The following SNAP23 variants were observed in gnomAD, a reference collection of about 807,000 sequenced individuals.
The protein encoded by SNAP23 is synaptosomal-associated protein 23.
Under a neutral mutation model 29.0 loss-of-function variants are expected in SNAP23, and 11 were observed. That is an observed-to-expected ratio of 0.38 (90% CI 0.24 to 0.63). The LOEUF (loss-of-function observed/expected upper bound fraction) is 0.63. Ranked by LOEUF, SNAP23 falls within the 20% of genes least tolerant of loss-of-function variation. The probability of loss-of-function intolerance (pLI) is 0.58; values close to 1 mark genes in which losing one functional copy is unlikely to be tolerated. For synonymous variants in SNAP23, 60 were observed against 82.9 expected, an observed-to-expected ratio of 0.72 and a Z score of 1.50; for missense variants, 220 against 253.9, an observed-to-expected ratio of 0.87 and a Z score of 0.91.
upstream of SNAP23, among the ~76,000 whole-genome samples, chr15:42,494,565 G>T (rs2057200313): frequency 6.6e-6 from 1 of 150,376 alleles, no homozygotes; most frequent in Non-Finnish European, 1.5e-5. Context: ...GCCCAGCCTG[G>T]AGTGCAATGG....
intron 1 of SNAP23, among the ~76,000 whole-genome samples, chr15:42,498,447 GCAA>G (rs1253751922): frequency 6.6e-6 from 1 of 152,186 alleles, no homozygotes; most frequent in Non-Finnish European, 1.5e-5. Context: ...ACCCTCTGAA[GCAA>G]CAGCCCAAGC....
At chr15:42,524,988 C>T (rs186739211) in intron 5 of SNAP23, among the ~76,000 whole-genome samples, 1 of 152,196 alleles carries the variant, frequency 6.6e-6, no homozygotes. Context: ...ACACGCAGAA[C>T]ATACTATAAC....
Position 42,529,709 on chromosome 15 carries a change from G to T in SNAP23, c.460G>T (p.Glu154Ter). The T allele has an allele frequency of 6.2e-7, 1 of 1,614,092 alleles. No homozygotes were observed. The highest frequency in any genetic ancestry group is 2.2e-5 in the East Asian group (1 of 44,872). Residue 154 changes from glutamate to a stop codon, truncating the protein, a stop_gained, in exon 7 of 8, where the codon GAG (glutamate) becomes TAG (stop). Transcript: ENST00000249647. LOFTEE classifies it high-confidence loss of function. ...TNDAREDEMEENLTQVGSILG... is the reference protein window; with the variant it reads ...TNDAREDEME Reference sequence around the variant, plus strand: ...TGATGCCAGAGAAGATGAAATGGAAGAGAACCTGACTCAAGTGGGCAGTAT... The same window carrying T: ...TGATGCCAGAGAAGATGAAATGGAATAGAACCTGACTCAAGTGGGCAGTAT...
chr15:42,515,395 G>T, intron 5 of SNAP23, 41 bp downstream of exon 5: 1 of 1,244,164 alleles, frequency 8.0e-7, no homozygotes. Context: ...TAAGTAATGA[G>T]AGTACCCCAC....
At chr15:42,500,668 G>T (rs929196817) in intron 1 of SNAP23, among the ~76,000 whole-genome samples, 1 of 152,080 alleles carries the variant, frequency 6.6e-6, no homozygotes, top group African/African-American at 2.4e-5. Context: ...GGGATTACAG[G>T]CATGAGCCAC....
Position 42,527,984 on chromosome 15 carries a change from A to G in SNAP23, c.267-278A>G, listed in dbSNP as rs529807243. On this transcript the variant is annotated intron_variant, in intron 5 of 7. Transcript: ENST00000249647. The stretch of plus-strand genomic sequence containing the variant: ...AGGCTAAGGGAACCTGAAAAATCAA[A>G]TAGTTGCCTTTTGCTACTTGCTAAC... The G allele has an allele frequency of 9.5e-4, 311 of 329,050 alleles. 1 individual carries two copies. The highest frequency in any genetic ancestry group is 1.5e-3 in the Non-Finnish European group (271 of 177,802). 20.4% of individuals were successfully genotyped at this position (329,050 alleles called of 1,614,324 possible).
At chr15:42,529,148 G>A (rs2141559790) in intron 6 of SNAP23, among the ~76,000 whole-genome samples, 1 of 152,266 alleles carries the variant, frequency 6.6e-6, no homozygotes, top group South Asian at 2.1e-4. Flanking sequence ...GGTTAAAGCA[G>A]GCATAAACAA....
At chr15:42,513,624 G>T (rs868414732) in intron 4 of SNAP23, among the ~76,000 whole-genome samples, 177 bp downstream of exon 4, 4 of 152,160 alleles carry the variant, frequency 2.6e-5, no homozygotes, top group South Asian at 4.1e-4. Context: ...GTCTATTTGG[G>T]ATGGCAGGCA....
chr15:42,515,666 C>G (rs1406247138), intron 5 of SNAP23, among the ~76,000 whole-genome samples: 1 of 152,020 alleles, frequency 6.6e-6, no homozygotes, highest in Non-Finnish European at 1.5e-5. Context: ...CTTTTCCTTT[C>G]AAAGGAGGAG....
upstream of SNAP23, among the ~76,000 whole-genome samples, chr15:42,491,901 T>G (rs113229355): frequency 0.032 from 4,680 of 146,944 alleles, 246 homozygotes; most frequent in African/African-American, 0.11. Context: ...TATTTATTTA[T>G]TTAGTTAGTT....
At chr15:42,517,714 G>C (rs1182054273) in intron 5 of SNAP23, among the ~76,000 whole-genome samples, 1 of 152,112 alleles carries the variant, frequency 6.6e-6, no homozygotes, top group Non-Finnish European at 1.5e-5. Flanking sequence ...ATCAAGAGAA[G>C]GCATTACTTT....
At chr15:42,516,391 G>A (rs1206574372) in intron 5 of SNAP23, among the ~76,000 whole-genome samples, 4 of 152,064 alleles carry the variant, frequency 2.6e-5, no homozygotes, top group Non-Finnish European at 4.4e-5. Context: ...ATGCAGTGGC[G>A]CAGTCTCAGC....
intron 5 of SNAP23, among the ~76,000 whole-genome samples, chr15:42,526,241 T>C (rs1255813979): frequency 6.6e-6 from 1 of 152,238 alleles, no homozygotes; most frequent in Non-Finnish European, 1.5e-5. Flanking sequence ...GCCTGGGACC[T>C]TTCTTATTAT....
At chr15:42,508,274 A>AAAAG (rs1247171728) in intron 1 of SNAP23, among the ~76,000 whole-genome samples, 63 of 151,608 alleles carry the variant, frequency 4.2e-4, no homozygotes, top group Non-Finnish European at 2.1e-4. Context: ...AAAAAAAAAA[A>AAAAG]AAAGAAAGAA....
chr15:42,518,611 G>A (rs779589353), intron 5 of SNAP23, among the ~76,000 whole-genome samples: 2 of 151,842 alleles, frequency 1.3e-5, no homozygotes, highest in South Asian at 2.1e-4. Context: ...TAGAGACAAG[G>A]TTTCACCATG....
chr15:42,522,574 C>A (rs2057457623), intron 5 of SNAP23, among the ~76,000 whole-genome samples: 1 of 151,950 alleles, frequency 6.6e-6, no homozygotes, highest in Non-Finnish European at 1.5e-5. Context: ...CCAAAGCATA[C>A]ACACACTCAC....
At position 42,529,946 on chromosome 15, in the gene SNAP23, A is replaced by G. The variant is rs148782516; in HGVS notation, c.570+127A>G. 349 of 1,003,596 alleles carry G rather than the reference A, an allele frequency of 3.5e-4. 2 individuals are homozygous for G. In the African/African-American group the frequency reaches 5.3e-3, roughly 15 times the overall value. The allele number at this position is 1,003,596 out of a possible 1,614,324, so 62.2% of individuals were successfully genotyped here. ...CCTGTCCTCATAGGTCTTAATTCTG[A>G]TGAGGTGGTGGTTCTAACACATAAA... is the stretch of plus-strand genomic sequence containing the variant. On this transcript the variant is annotated intron_variant, in intron 7 of 7. Transcript: ENST00000249647.
Position 42,528,380 on chromosome 15 carries a change from C to T in SNAP23, c.385C>T (p.Gln129Ter), listed in dbSNP as rs2141557587. The T allele has an allele frequency of 6.2e-7, 1 of 1,614,136 alleles. No homozygotes were observed. Among genetic ancestry groups the T allele is most frequent in the South Asian group, 1.1e-5 (1 of 91,082 alleles). Residue 129 changes from glutamine to a stop codon, truncating the protein, a stop_gained, in exon 6 of 8, where the codon CAA (glutamine) becomes TAA (stop). Transcript: ENST00000249647. LOFTEE classifies it high-confidence loss of function. Reference sequence around the variant, plus strand: ...CCCGGTGACAAATGGTCAGCTTCAGCAACCAACAACGGGAGCAGCCAGTGG... The same window carrying T: ...CCCGGTGACAAATGGTCAGCTTCAGTAACCAACAACGGGAGCAGCCAGTGG... ...PGPVTNGQLQ[Q>*]PTTGAASGGY...
intron 5 of SNAP23, among the ~76,000 whole-genome samples, chr15:42,516,516 A>T (rs2057398321): frequency 6.6e-6 from 1 of 151,972 alleles, no homozygotes; most frequent in African/African-American, 2.4e-5. Flanking sequence ...TTTTTAGTAG[A>T]GACGGGGTTT....
Sources: gnomAD v4.1 joint callset for allele counts (sites outside exome capture counted in the v4.1 genomes callset) on GRCh38, gnomAD v4.1.1 for gene constraint, MANE v1.5 for transcripts, NCBI Gene and HGNC (gene_info 2026-07-23, HGNC 2026-07-21) for gene names.